JARID2: variants seen among roughly 807,000 people sequenced by gnomAD.
JARID2 encodes the protein jumonji and AT-rich interaction domain containing 2.
A neutral mutation model predicts 125.6 loss-of-function variants in JARID2; 21 were observed. The ratio of observed to expected loss-of-function variants is 0.17; its 90% confidence interval spans 0.12 to 0.24. The LOEUF is 0.24. Among genes scored for constraint, JARID2 ranks in the 10% least tolerant of loss-of-function variants. JARID2 has a pLI of 1.00. For missense variants in JARID2, 1,303 were observed against 1,639.6 expected, an observed-to-expected ratio of 0.79 and a Z score of 3.55; for synonymous variants, 736 against 661.6, an observed-to-expected ratio of 1.11 and a Z score of -1.73.
At chr6:15,335,161 T>G (rs1762836762) in intron 1 of JARID2, among the ~76,000 whole-genome samples, 1 of 152,078 alleles carries the variant, frequency 6.6e-6, no homozygotes, top group Non-Finnish European at 1.5e-5. Flanking sequence ...GTACAGTGGC[T>G]TGATTTCGGC....
At chr6:15,262,694 C>T (rs1460962293) in intron 1 of JARID2, among the ~76,000 whole-genome samples, 3 of 151,938 alleles carry the variant, frequency 2.0e-5, no homozygotes, top group South Asian at 2.1e-4. Context: ...TGCGCCACCA[C>T]GCCCGGCTAA....
chr6:15,486,806 C>T (rs1337339588), intron 5 of JARID2, among the ~76,000 whole-genome samples: 80 of 100,514 alleles, frequency 8.0e-4, no homozygotes, highest in African/African-American at 1.3e-3. Flanking sequence ...TGAGAATAGA[C>T]TTTTTTTTTT....
chr6:15,394,390 G>GAGGATCGCTTC (rs1765138623), intron 2 of JARID2, among the ~76,000 whole-genome samples: 1 of 152,166 alleles, frequency 6.6e-6, no homozygotes. Context: ...GGTGCCTCGG[G>GAGGATCGCTTC]AGGATCGCTT....
At chr6:15,398,508 C>T (rs758852124) in intron 2 of JARID2, among the ~76,000 whole-genome samples, 9 of 152,138 alleles carry the variant, frequency 5.9e-5, no homozygotes, top group Non-Finnish European at 1.3e-4. Flanking sequence ...CATGTTTCTT[C>T]TTTAGTAGGG....
At chr6:15,498,527 C>T (rs1770574558) in intron 7 of JARID2, among the ~76,000 whole-genome samples, 1 of 152,150 alleles carries the variant, frequency 6.6e-6, no homozygotes, top group South Asian at 2.1e-4. Context: ...AAGGTTGCAA[C>T]CCCATCAGTC....
intron 3 of JARID2, among the ~76,000 whole-genome samples, chr6:15,437,377 T>C (rs1311564433): frequency 6.6e-6 from 1 of 152,184 alleles, no homozygotes; most frequent in Admixed American, 6.5e-5. Flanking sequence ...TATGTCCAGC[T>C]GAATCACACC....
At chr6:15,263,972 A>G (rs981683128) in intron 1 of JARID2, among the ~76,000 whole-genome samples, 5 of 152,192 alleles carry the variant, frequency 3.3e-5, no homozygotes, top group African/African-American at 1.2e-4. Context: ...AGCTCACTGC[A>G]GCCTTAACCT....
chr6:15,291,500 G>C (rs1396639183), intron 1 of JARID2, among the ~76,000 whole-genome samples: 1 of 152,220 alleles, frequency 6.6e-6, no homozygotes, highest in African/African-American at 2.4e-5. Flanking sequence ...AGGCTTGAAG[G>C]AGCGCTTAAA....
chr6:15,260,254 C>T (rs762816773), intron 1 of JARID2, among the ~76,000 whole-genome samples: 1 of 152,108 alleles, frequency 6.6e-6, no homozygotes, highest in East Asian at 1.9e-4. Context: ...AACTTCTGAA[C>T]TTGACTTACT....
intron 2 of JARID2, among the ~76,000 whole-genome samples, chr6:15,387,040 A>G (rs1764813315): frequency 6.6e-6 from 1 of 152,198 alleles, no homozygotes; most frequent in Non-Finnish European, 1.5e-5. Context: ...AGTATTCGGA[A>G]TACTCAGCCT....
At chr6:15,381,657 A>G (rs566480073) in intron 2 of JARID2, among the ~76,000 whole-genome samples, 26 of 152,322 alleles carry the variant, frequency 1.7e-4, no homozygotes, top group South Asian at 1.5e-3. Context: ...TTTGTCTTTC[A>G]GCTGCTTTTT....
chr6:15,428,930 A>AACCCCC (rs1766847932), intron 3 of JARID2, among the ~76,000 whole-genome samples: 1 of 89,850 alleles, frequency 1.1e-5, no homozygotes, highest in African/African-American at 4.9e-5. Context: ...AAAAAAACAA[A>AACCCCC]CCCCCCCCCC....
chr6:15,376,123 T>C (rs1415134316), intron 2 of JARID2, among the ~76,000 whole-genome samples: 1 of 152,168 alleles, frequency 6.6e-6, no homozygotes, highest in Admixed American at 6.5e-5. Context: ...GATGCCCACA[T>C]TGGGATCACT....
intron 1 of JARID2, among the ~76,000 whole-genome samples, chr6:15,360,339 C>G (rs1480683428): frequency 2.0e-5 from 3 of 152,098 alleles, no homozygotes; most frequent in Admixed American, 1.3e-4. Flanking sequence ...CATGTGCCAC[C>G]ATGCCCAGCT....
At chr6:15,363,440 T>C (rs1763868898) in intron 1 of JARID2, among the ~76,000 whole-genome samples, 1 of 152,214 alleles carries the variant, frequency 6.6e-6, no homozygotes. Flanking sequence ...CATGAGCCAC[T>C]GTAAGATTCA....
intron 1 of JARID2, among the ~76,000 whole-genome samples, chr6:15,296,446 T>A (rs1167395297): frequency 6.6e-6 from 1 of 152,184 alleles, no homozygotes; most frequent in Non-Finnish European, 1.5e-5. Context: ...AGTGGTTTTT[T>A]AATGAAAAGT....
intron 1 of JARID2, among the ~76,000 whole-genome samples, chr6:15,274,851 G>A (rs539832111): frequency 6.6e-6 from 1 of 152,234 alleles, no homozygotes; most frequent in African/African-American, 2.4e-5. Flanking sequence ...TTCTTAAAAA[G>A]CCACTGACAA....
At chr6:15,282,556 G>T in intron 1 of JARID2, among the ~76,000 whole-genome samples, 1 of 150,524 alleles carries the variant, frequency 6.6e-6, no homozygotes. Flanking sequence ...CTCTGTCTTT[G>T]TCTTTCTCTC....
intron 2 of JARID2, among the ~76,000 whole-genome samples, chr6:15,393,878 T>C (rs1029849020): frequency 6.6e-6 from 1 of 152,146 alleles, no homozygotes. Context: ...GCAAAACTGC[T>C]TTAGTTACAG....
Sources: allele counts gnomAD v4.1 joint callset (sites outside exome capture counted in the v4.1 genomes callset), GRCh38; gene constraint gnomAD v4.1.1; transcripts MANE v1.5; gene names NCBI Gene and HGNC (gene_info 2026-07-23, HGNC 2026-07-21).